Variants in GPR161 observed in about 807,000 individuals in gnomAD.
GPR161 encodes G-protein coupled receptor RE2.
Under a neutral mutation model 39.2 loss-of-function variants are expected in GPR161, and 25 were observed. The ratio of observed to expected loss-of-function variants is 0.64; its 90% CI spans 0.47 to 0.89. GPR161 has a LOEUF of 0.89. Among genes scored for constraint, GPR161 ranks in the 40% least tolerant of loss-of-function variants. The probability of loss-of-function intolerance (pLI) is 0.00; values close to 1 mark genes in which losing one functional copy is unlikely to be tolerated. For synonymous variants in GPR161, 286 were observed against 276.6 expected (o/e 1.03, Z -0.34); for missense variants, 547 against 677.8 (o/e 0.81, Z 2.14).
At chr1:168,118,822 G>A (rs907764965) in intron 1 of GPR161, 1 of 152,112 alleles carries the variant, frequency 6.6e-6, no homozygotes, top group East Asian at 1.9e-4. Flanking sequence ...ACGAGCAAAT[G>A]GCCAATAAAC....
rs1204465346 is a variant in GPR161, at chr1:168,098,748, C to T, written c.375-1516G>A. 1.3e-5 allele frequency among the ~76,000 whole-genome samples: 2 copies of T among 152,216 alleles called. No homozygotes were observed. The highest frequency in any genetic ancestry group is 2.9e-5 in the Non-Finnish European group (2 of 68,040). On this transcript the variant is annotated intron_variant, in intron 2 of 5. Transcript: ENST00000682931. This position sits in a 1 kb window ranked among gnomAD's most constrained non-coding sequence, Gnocchi z 4.1. ...GCTATGCGGCCTGAGGAGAAGATTG[C>T]GCAGTGATTAGGGTGTCTATTACAG... is the stretch of plus-strand genomic sequence containing the variant.
At chr1:168,132,678 A>G (rs756787264) in intron 1 of GPR161, among the ~76,000 whole-genome samples, 2 of 152,088 alleles carry the variant, frequency 1.3e-5, no homozygotes, top group Non-Finnish European at 2.9e-5. Flanking sequence ...ATAATATGCT[A>G]TCATATTTAT....
chr1:168,089,802 C>T (rs2102108389), intron 4 of GPR161, among the ~76,000 whole-genome samples: 1 of 152,356 alleles, frequency 6.6e-6, no homozygotes, highest in Non-Finnish European at 1.5e-5. Flanking sequence ...GCTTCCAGCA[C>T]AGGATACAGC....
intron 1 of GPR161, among the ~76,000 whole-genome samples, chr1:168,109,387 A>C (rs1696919266): frequency 6.6e-6 from 1 of 152,212 alleles, no homozygotes; most frequent in African/African-American, 2.4e-5. Flanking sequence ...CACACCTGTA[A>C]CCAGAGGGTA....
chr1:168,106,541 T>G (rs1247654708), intron 1 of GPR161, among the ~76,000 whole-genome samples: 1 of 152,200 alleles, frequency 6.6e-6, no homozygotes, highest in Admixed American at 6.5e-5. Context: ...GTGAGCTGTT[T>G]GTGTCACTGA....
intron 2 of GPR161, among the ~76,000 whole-genome samples, chr1:168,104,031 T>C (rs553029889): frequency 5.9e-5 from 9 of 152,282 alleles, no homozygotes; most frequent in African/African-American, 2.2e-4. Context: ...TCCTTCCCCC[T>C]GCTCTCCTTT....
chr1:168,097,124 T>C lies in GPR161; in HGVS notation c.483A>G (p.Pro161=), dbSNP rs1026174170. 1.2e-6 allele frequency: 2 copies of C among 1,613,576 alleles called. No homozygotes were observed. Among genetic ancestry groups the C allele is most frequent in the Admixed American group, 3.3e-5 (2 of 59,954 alleles). ...CCACGGATGACCAACCAAACAGGGG[T>C]GGCAGGCAGCCGATGAGCGAGTGAA... The part of the protein sequence containing the change: ...IWLHSLIGCL[P]PLFGWSSVEF... The change falls in exon 3 of 6, where the codon CCA becomes CCG. Residue 161 remains proline, a synonymous_variant. Coordinates refer to ENST00000682931, the MANE Select transcript of GPR161 (RefSeq NM_001375883.1).
chr1:168,106,821 T>C (rs1207132353), intron 1 of GPR161, among the ~76,000 whole-genome samples: 1 of 152,266 alleles, frequency 6.6e-6, no homozygotes, highest in Admixed American at 6.5e-5. Flanking sequence ...GATTCAGTTA[T>C]GTAACATATT....
At chr1:168,125,078 TCTC>T (rs1299319928) in intron 1 of GPR161, among the ~76,000 whole-genome samples, 1 of 152,246 alleles carries the variant, frequency 6.6e-6, no homozygotes, top group Non-Finnish European at 1.5e-5. Flanking sequence ...ATATTCTCTG[TCTC>T]CTTTTTATAC....
At chr1:168,122,791 A>C (rs764807500) in intron 1 of GPR161, among the ~76,000 whole-genome samples, 17 of 151,958 alleles carry the variant, frequency 1.1e-4, no homozygotes, top group Non-Finnish European at 5.9e-5. Context: ...TACCCCCTCC[A>C]ACACTTCCTG....
At chr1:168,129,381 G>A (rs759024215) in intron 1 of GPR161, among the ~76,000 whole-genome samples, 5 of 152,182 alleles carry the variant, frequency 3.3e-5, no homozygotes, top group Middle Eastern at 3.2e-3. Context: ...ATTACAAAAA[G>A]CATTGCAGGC....
intron 1 of GPR161, among the ~76,000 whole-genome samples, chr1:168,106,756 T>C (rs1696659918): frequency 6.6e-6 from 1 of 152,244 alleles, no homozygotes; most frequent in Admixed American, 6.5e-5. Context: ...TCTACTAAAT[T>C]TCCCTTTATG....
chr1:168,090,515 A>G (rs372297331), intron 4 of GPR161, 49 bp downstream of exon 4: 3 of 1,115,930 alleles, frequency 2.7e-6, no homozygotes, highest in African/African-American at 3.1e-5. Flanking sequence ...GGGAAACGCA[A>G]CACAGGGAAA....
chr1:168,135,333 C>T (rs1425682509), intron 1 of GPR161, among the ~76,000 whole-genome samples: 1 of 152,296 alleles, frequency 6.6e-6, no homozygotes, highest in African/African-American at 2.4e-5. Context: ...TAGAGCTTCA[C>T]AAGGTTGTTG....
In GPR161 at chr1:168,085,407, C is replaced by G. The variant is rs1253318053; in HGVS notation, c.*124G>C. 2 of 860,244 alleles carry G rather than the reference C, an allele frequency of 2.3e-6. No homozygotes were observed. Among genetic ancestry groups the G allele is most frequent in the African/African-American group, 1.7e-5 (1 of 59,314 alleles). The allele number at this position is 860,244 out of a possible 1,614,324, so 53.3% of individuals were successfully genotyped here. A position where few individuals can be genotyped will look rare whatever the true frequency, so the allele number is the denominator to read the frequency against. On this transcript the variant is annotated 3_prime_UTR_variant, in exon 6 of 6. Transcript: ENST00000682931. ...CCTGGTGGCTGCATACCAGATGCTG[C>G]TCCTTCCCTGTGTGTGGCCAGCTGT...
chr1:168,120,715 G>A (rs556093624), intron 1 of GPR161, among the ~76,000 whole-genome samples: 10 of 152,224 alleles, frequency 6.6e-5, no homozygotes, highest in East Asian at 1.9e-4. Context: ...TGCTGTTCTC[G>A]TGATAGTGGG....
chr1:168,129,924 G>A (rs1698862279), intron 1 of GPR161, among the ~76,000 whole-genome samples: 1 of 152,140 alleles, frequency 6.6e-6, no homozygotes, highest in African/African-American at 2.4e-5. Context: ...CTTTGGGCAA[G>A]GTCACCCTAA....
chr1:168,096,856 T>C lies in GPR161; in HGVS notation c.751A>G (p.Ser251Gly). Residue 251 changes from serine to glycine, a missense_variant, in exon 3 of 6, where the codon AGC becomes GGC. Physicochemically the swap from Ser to Gly is moderately conservative, Grantham distance 56. Transcript: ENST00000682931. ...NSSTSTSSSG[S>G]RRNAFQGVVY... ...ACACCCTGAAAGGCATTCCTCCTGC[T>C]GCCTGAAGAGGAGGTGGAGGTGCTG... The C allele has an allele frequency of 1.2e-6, 2 of 1,614,150 alleles. No individual in the cohort carries two copies. Among genetic ancestry groups the C allele is most frequent in the Non-Finnish European group, 8.5e-7 (1 of 1,180,024 alleles).
intron 1 of GPR161, among the ~76,000 whole-genome samples, chr1:168,123,428 A>C (rs1233175916): frequency 6.6e-6 from 1 of 152,044 alleles, no homozygotes; most frequent in Non-Finnish European, 1.5e-5. Context: ...ACTACACCCC[A>C]GCCTGGGCAA....
Sources: gnomAD v4.1 joint callset for allele counts (sites outside exome capture counted in the v4.1 genomes callset) on GRCh38, gnomAD v4.1.1 for gene constraint, Gnocchi (gnomAD v3.1) non-coding constraint, MANE v1.5 for transcripts, NCBI Gene and HGNC (gene_info 2026-07-23, HGNC 2026-07-21) for gene names.